The following CACNA1S variants were observed in gnomAD, a reference collection of about 807,000 sequenced individuals.
CACNA1S encodes calcium voltage-gated channel subunit alpha1 S.
Under a neutral mutation model 207.4 loss-of-function variants are expected in CACNA1S, and 126 were observed. That is an observed-to-expected ratio of 0.61 (90% CI 0.53 to 0.70). The LOEUF is 0.70. CACNA1S is among the 30% of genes least tolerant of loss of function. The probability of loss-of-function intolerance (pLI) is 0.00; values close to 1 mark genes in which losing one functional copy is unlikely to be tolerated. For synonymous variants in CACNA1S, 960 were observed against 932.7 expected, an observed-to-expected ratio of 1.03 and a Z score of -0.53; for missense variants, 2,349 against 2,422.8, an observed-to-expected ratio of 0.97 and a Z score of 0.64.
chr1:201,057,843 T>A (rs554920603), intron 28 of CACNA1S, among the ~76,000 whole-genome samples: 1 of 152,298 alleles, frequency 6.6e-6, no homozygotes, highest in South Asian at 2.1e-4. Flanking sequence ...ACTCTAATCC[T>A]CCCACTGCCC....
chr1:201,111,416 A>G (rs955661647), intron 1 of CACNA1S, among the ~76,000 whole-genome samples: 1 of 151,904 alleles, frequency 6.6e-6, no homozygotes, highest in African/African-American at 2.4e-5. Context: ...CCTTCCCCAA[A>G]TAACCCAGAT....
Position 201,049,046 on chromosome 1 carries a change from G to A in CACNA1S, c.4295C>T (p.Pro1432Leu), listed in dbSNP as rs1660566248. ...VVTLLRRIQP[P>L]LGFGKFCPHR... ...TGGGCAGAACTTCCCAAAGCCCAGA[G>A]GGGGCTGAATCCTTCTCAGCAGGGT... is the stretch of plus-strand genomic sequence containing the variant. Residue 1432 changes from proline to leucine, a missense_variant, in exon 35 of 44, where the codon CCT becomes CTT. Transcript: ENST00000362061. 6 of 1,613,894 alleles carry A rather than the reference G, an allele frequency of 3.7e-6. No homozygotes were observed. Among genetic ancestry groups the A allele is most frequent in the Non-Finnish European group, 4.2e-6 (5 of 1,179,924 alleles).
intron 9 of CACNA1S, among the ~76,000 whole-genome samples, chr1:201,083,785 G>A (rs1037079181): frequency 6.6e-6 from 1 of 152,168 alleles, no homozygotes; most frequent in Non-Finnish European, 1.5e-5. Context: ...GTTTATTAAT[G>A]TTTTATTATT....
chr1:201,063,599 G>A (rs931169726), intron 22 of CACNA1S, among the ~76,000 whole-genome samples: 2 of 152,194 alleles, frequency 1.3e-5, no homozygotes, highest in African/African-American at 4.8e-5. Flanking sequence ...GGATGGCTAG[G>A]TCTTAAAGAG....
At position 201,069,562 on chromosome 1, in the gene CACNA1S, C is replaced by T; in HGVS notation, c.2400G>A (p.Trp800Ter). The T allele has an allele frequency of 3.2e-6, 5 of 1,569,014 alleles. No individual in the cohort carries two copies. Among genetic ancestry groups the T allele is most frequent in the Non-Finnish European group, 4.3e-6 (5 of 1,156,404 alleles). Residue 800 changes from tryptophan to a stop codon, truncating the protein, a stop_gained, in exon 18 of 44, where the codon TGG becomes TGA. Transcript: ENST00000362061. LOFTEE classifies it high-confidence loss of function. Reference protein sequence around the residue: ...VLCHRIVNATWFTNFILLFIL... With the variant: ...VLCHRIVNAT Reference sequence around the variant, plus strand: ...TGAAGAGCAGGATGAAGTTGGTAAACCAGGTGGCATTGACGATGCGGTGAC... The same window carrying T: ...TGAAGAGCAGGATGAAGTTGGTAAATCAGGTGGCATTGACGATGCGGTGAC...
Position 201,065,892 on chromosome 1 carries a change from C to G in CACNA1S, c.2799G>C (p.Leu933=). 2 of 1,614,102 alleles carry G rather than the reference C, an allele frequency of 1.2e-6. No individual in the cohort carries two copies. Among genetic ancestry groups the G allele is most frequent in the Non-Finnish European group, 1.7e-6 (2 of 1,179,988 alleles). The change falls in exon 22 of 44, where the codon CTG becomes CTC. Residue 933 remains leucine, a synonymous_variant. Transcript: ENST00000362061. ...VAISTIGNIV[L]VTTLLQFMFA... ...ACATGAACTGTAGGAGGGTAGTGACCAGCACGATGTTCCCGATGGTGCTGA... is the reference window on the plus strand; with the variant it reads ...ACATGAACTGTAGGAGGGTAGTGACGAGCACGATGTTCCCGATGGTGCTGA...
chr1:201,046,183 TTATTTATC>T (rs1660464127), intron 38 of CACNA1S, among the ~76,000 whole-genome samples: 1 of 151,204 alleles, frequency 6.6e-6, no homozygotes, highest in Non-Finnish European at 1.5e-5. Context: ...TATTATTTAT[TTATTTATC>T]TATCTTTTGA....
In CACNA1S at chr1:201,049,201, G is replaced by A. The variant is rs992471023; in HGVS notation, c.4242-102C>T. 3 of 793,664 alleles carry A rather than the reference G, an allele frequency of 3.8e-6. No individual in the cohort carries two copies. The African/African-American group carries it at 5.1e-5, about 14-fold the overall frequency. 49.2% of individuals were successfully genotyped at this position (793,664 alleles called of 1,614,324 possible). A position where few individuals can be genotyped will look rare whatever the true frequency, so the allele number is the denominator to read the frequency against. Reference sequence around the variant, plus strand: ...ATGGGAAAGAAAGCCAGGAAACAGGGGAGCATTTCCTTATTTTCCAACTGT... The same window carrying A: ...ATGGGAAAGAAAGCCAGGAAACAGGAGAGCATTTCCTTATTTTCCAACTGT... On this transcript the variant is annotated intron_variant, in intron 34 of 43. Transcript: ENST00000362061.
At chr1:201,084,083 G>A (rs928433459) in intron 9 of CACNA1S, among the ~76,000 whole-genome samples, 5 of 152,258 alleles carry the variant, frequency 3.3e-5, no homozygotes, top group African/African-American at 9.6e-5. Flanking sequence ...AATCTGCTCC[G>A]AAAATTGCTC....
Position 201,066,890 on chromosome 1 carries a change from A to G in CACNA1S, c.2654T>C (p.Leu885Pro). 1.2e-6 allele frequency: 2 copies of G among 1,611,654 alleles called. No homozygotes were observed. Among genetic ancestry groups the G allele is most frequent in the South Asian group, 2.2e-5 (2 of 91,016 alleles). ...VVAVSLISMGLESSAISVVKI... is the reference protein window; with the variant it reads ...VVAVSLISMGPESSAISVVKI... ...GCTGGCCCTTGCCGCTGCTCACTCA[A>G]GTCCCATGGAGATGAGGGACACGGC... The change falls in exon 20 of 44, where the codon CTT becomes CCT. Residue 885 changes from leucine to proline, a missense_variant. Physicochemically the swap from Leu to Pro is moderately conservative, Grantham distance 98. Coordinates refer to ENST00000362061, the MANE Select transcript of CACNA1S (RefSeq NM_000069.3). This position sits in a 1 kb window ranked among gnomAD's most constrained non-coding sequence, Gnocchi z 4.3.
chr1:201,089,885 A>G lies in CACNA1S; in HGVS notation c.695-422T>C, dbSNP rs994192110. Among the ~76,000 whole-genome samples, 5 of 152,352 alleles carry G rather than the reference A, an allele frequency of 3.3e-5. No homozygotes were observed. In the East Asian group the frequency reaches 9.6e-4, roughly 29 times the overall value. On this transcript the variant is annotated intron_variant, in intron 5 of 43. Transcript: ENST00000362061. ...TGGGAGGTGAAATTGGAGAAGCTCC[A>G]AAAGCACTGGGCTGAGCTTTACAAG...
In CACNA1S at chr1:201,048,701, A is replaced by T; in HGVS notation, c.4339-17T>A. 1 of 1,606,640 alleles carries T rather than the reference A, an allele frequency of 6.2e-7. No homozygotes were observed. The highest frequency in any genetic ancestry group is 8.5e-7 in the Non-Finnish European group (1 of 1,174,244). On this transcript the variant is annotated splice_polypyrimidine_tract_variant and intron_variant, in intron 35 of 43. Transcript: ENST00000362061. ...CACCAGCCGCTGTACAGGGAGACGC[A>T]GTGGCCTGCCGCTGAGCTGGGACCA...
chr1:201,098,525 G>A (rs1356765885), intron 2 of CACNA1S, among the ~76,000 whole-genome samples: 3 of 151,982 alleles, frequency 2.0e-5, no homozygotes, highest in Non-Finnish European at 2.9e-5. Context: ...ACGACGAACT[G>A]TGGTCTTTCC....
At chr1:201,097,773 G>T (rs1356254800) in intron 2 of CACNA1S, among the ~76,000 whole-genome samples, 2 of 151,970 alleles carry the variant, frequency 1.3e-5, no homozygotes, top group African/African-American at 4.8e-5. Flanking sequence ...GTTGCTGCTG[G>T]TGGTGGGTGA....
At chr1:201,087,717 C>T (rs1402294245) in intron 7 of CACNA1S, 109 bp downstream of exon 7, 9 of 760,940 alleles carry the variant, frequency 1.2e-5, no homozygotes, top group Middle Eastern at 2.5e-4. Context: ...CTCCTCTCCA[C>T]TCGCCCCCCA....
At chr1:201,106,039 A>G (rs1330032684) in intron 2 of CACNA1S, among the ~76,000 whole-genome samples, 1 of 152,134 alleles carries the variant, frequency 6.6e-6, no homozygotes, top group Non-Finnish European at 1.5e-5. Flanking sequence ...GTATCACCAC[A>G]CATCTGAAGT....
chr1:201,076,304 G>A (rs1177518774), intron 12 of CACNA1S, among the ~76,000 whole-genome samples: 1 of 152,236 alleles, frequency 6.6e-6, no homozygotes, highest in South Asian at 2.1e-4. Context: ...AGAAAGAGAG[G>A]ATCGACGGAC....
At chr1:201,065,430 T>C (rs1312432586) in intron 22 of CACNA1S, among the ~76,000 whole-genome samples, 1 of 152,248 alleles carries the variant, frequency 6.6e-6, no homozygotes, top group African/African-American at 2.4e-5. Flanking sequence ...ATTTAAAAGA[T>C]GGACATCAAA....
At chr1:201,064,907 A>T (rs1411655570) in intron 22 of CACNA1S, among the ~76,000 whole-genome samples, 1 of 152,238 alleles carries the variant, frequency 6.6e-6, no homozygotes, top group African/African-American at 2.4e-5. Context: ...CAGACATACC[A>T]GCCAGGAAGA....
Sources: allele counts gnomAD v4.1 joint callset (sites outside exome capture counted in the v4.1 genomes callset), GRCh38; gene constraint gnomAD v4.1.1; non-coding constraint Gnocchi (gnomAD v3.1); transcripts MANE v1.5; gene names NCBI Gene and HGNC (gene_info 2026-07-23, HGNC 2026-07-21).